NEK11: variants seen among roughly 807,000 people sequenced by gnomAD.
The protein encoded by NEK11 is serine/threonine-protein kinase Nek11.
A neutral mutation model predicts 80.7 loss-of-function variants in NEK11; 72 were observed. That is an observed-to-expected ratio of 0.89 (90% CI 0.74 to 1.08). The LOEUF is 1.08. Ranked by LOEUF, NEK11 falls within the 50% of genes least tolerant of loss-of-function variation. The pLI, the probability that NEK11 is intolerant of heterozygous loss-of-function variation, is 0.00. For synonymous variants in NEK11, 251 were observed against 260.7 expected, an observed-to-expected ratio of 0.96 and a Z score of 0.36; for missense variants, 764 against 763.6, an observed-to-expected ratio of 1.00 and a Z score of -0.01.
At chr3:131,109,595 T>G (rs1181313470) in intron 4 of NEK11, 5 of 468,640 alleles carry the variant, frequency 1.1e-5, no homozygotes, top group Middle Eastern at 5.4e-4. Context: ...TTTGTTAAAG[T>G]CTTTATAGGT....
chr3:131,320,614 G>T (rs1019843393), intron 17 of NEK11, among the ~76,000 whole-genome samples: 4 of 151,994 alleles, frequency 2.6e-5, no homozygotes, highest in Admixed American at 2.6e-4. Flanking sequence ...AACTCATATT[G>T]TAAAAAAGAA....
At chr3:131,313,727 A>C (rs1382962415) in intron 17 of NEK11, among the ~76,000 whole-genome samples, 2 of 152,182 alleles carry the variant, frequency 1.3e-5, no homozygotes, top group African/African-American at 2.4e-5. Context: ...GTTTTAAACC[A>C]ACACAAACAA....
chr3:131,176,974 AAAATT>A (rs1315114397), intron 14 of NEK11, among the ~76,000 whole-genome samples: 4 of 152,250 alleles, frequency 2.6e-5, no homozygotes, highest in African/African-American at 7.2e-5. Context: ...AATTAAGCAG[AAAATT>A]AAATAAGTAT....
At chr3:131,191,967 A>G (rs931553181) in intron 14 of NEK11, among the ~76,000 whole-genome samples, 3 of 152,200 alleles carry the variant, frequency 2.0e-5, no homozygotes, top group African/African-American at 7.2e-5. Flanking sequence ...AGAAATTTTT[A>G]TGTATCAAAG....
At chr3:131,312,020 G>A (rs1029306031) in intron 17 of NEK11, among the ~76,000 whole-genome samples, 3 of 152,154 alleles carry the variant, frequency 2.0e-5, no homozygotes, top group East Asian at 1.9e-4. Context: ...AGAAAAGCTC[G>A]GAAGGCAACC....
intron 14 of NEK11, among the ~76,000 whole-genome samples, chr3:131,207,457 C>T (rs2094476342): frequency 6.6e-6 from 1 of 152,132 alleles, no homozygotes; most frequent in African/African-American, 2.4e-5. Flanking sequence ...GTGGCAGGCA[C>T]CTGTAGTCCC....
chr3:131,209,934 G>A (rs1371312366), intron 14 of NEK11, among the ~76,000 whole-genome samples: 1 of 152,040 alleles, frequency 6.6e-6, no homozygotes, highest in Non-Finnish European at 1.5e-5. Context: ...CAAAAAACCA[G>A]CTCTTGGATT....
intron 7 of NEK11, among the ~76,000 whole-genome samples, chr3:131,139,249 A>G (rs1368055321): frequency 1.3e-5 from 2 of 151,820 alleles, no homozygotes; most frequent in African/African-American, 4.8e-5. Flanking sequence ...TGGAGAATGC[A>G]TCAGAGTCTC....
intron 4 of NEK11, among the ~76,000 whole-genome samples, chr3:131,084,532 G>T (rs1033704092): frequency 1.3e-5 from 2 of 152,166 alleles, no homozygotes; most frequent in African/African-American, 4.8e-5. Flanking sequence ...TGAAGACAAG[G>T]CATCTCCAGA....
intron 14 of NEK11, chr3:131,184,587 C>T (rs778218597): frequency 3.1e-6 from 1 of 318,672 alleles, no homozygotes; most frequent in Non-Finnish European, 5.8e-6. Flanking sequence ...AAACAGCATA[C>T]ATTTCACGCA....
chr3:131,250,866 C>T (rs2095687623), intron 16 of NEK11, among the ~76,000 whole-genome samples: 1 of 151,876 alleles, frequency 6.6e-6, no homozygotes, highest in South Asian at 2.1e-4. Flanking sequence ...GTGAAAAATC[C>T]AGGGCAATTA....
chr3:131,099,542 G>A (rs2078037563), intron 4 of NEK11, among the ~76,000 whole-genome samples: 1 of 152,150 alleles, frequency 6.6e-6, no homozygotes, highest in Non-Finnish European at 1.5e-5. Context: ...TGTTGAATCT[G>A]TAGATTGCTT....
intron 16 of NEK11, among the ~76,000 whole-genome samples, chr3:131,266,768 T>A (rs2096066958): frequency 6.6e-6 from 1 of 152,164 alleles, no homozygotes; most frequent in South Asian, 2.1e-4. Context: ...CCTTGTTAAT[T>A]TTCTGTCTCA....
At chr3:131,072,135 C>G (rs1236683467) in intron 3 of NEK11, 1 of 149,016 alleles carries the variant, frequency 6.7e-6, no homozygotes, top group African/African-American at 2.6e-5. Flanking sequence ...AAACTCTTGT[C>G]CTCCTATCAA....
chr3:131,213,444 G>C (rs985516859), intron 14 of NEK11, among the ~76,000 whole-genome samples: 26 of 152,198 alleles, frequency 1.7e-4, no homozygotes, highest in African/African-American at 5.5e-4. Flanking sequence ...AAGGTGTTCT[G>C]TCTGCCAGCA....
chr3:131,222,715 A>T (rs2095063133), intron 14 of NEK11, among the ~76,000 whole-genome samples: 1 of 152,232 alleles, frequency 6.6e-6, no homozygotes, highest in African/African-American at 2.4e-5. Flanking sequence ...CTGAGAGGGC[A>T]GCCTCCAAAC....
intron 14 of NEK11, among the ~76,000 whole-genome samples, chr3:131,209,340 T>C (rs1359592558): frequency 6.6e-6 from 1 of 152,202 alleles, no homozygotes; most frequent in Non-Finnish European, 1.5e-5. Context: ...GTGACCGTGG[T>C]GGATAAGCTT....
chr3:131,248,598 C>A (rs551996114), intron 16 of NEK11, among the ~76,000 whole-genome samples: 2 of 151,996 alleles, frequency 1.3e-5, no homozygotes, highest in Non-Finnish European at 2.9e-5. Flanking sequence ...ATGGTCCCCC[C>A]GTGGAAAGCT....
intron 7 of NEK11, among the ~76,000 whole-genome samples, chr3:131,134,828 G>A (rs1393606558): frequency 6.6e-6 from 1 of 152,174 alleles, no homozygotes; most frequent in Non-Finnish European, 1.5e-5. Context: ...AAATCTCACT[G>A]CAGAAGCCAT....
Sources: gnomAD v4.1 joint callset for allele counts (sites outside exome capture counted in the v4.1 genomes callset) on GRCh38, gnomAD v4.1.1 for gene constraint, MANE v1.5 for transcripts, NCBI Gene and HGNC (gene_info 2026-07-23, HGNC 2026-07-21) for gene names.